Variants in ATP11A observed in about 807,000 individuals in gnomAD.
ATP11A encodes the protein phospholipid-transporting ATPase IH.
A neutral mutation model predicts 154.4 loss-of-function variants in ATP11A; 81 were observed. The observed-to-expected ratio is 0.52, with a 90% CI of 0.44 to 0.63. The LOEUF is 0.63. Ranked by LOEUF, ATP11A falls within the 30% of genes least tolerant of loss-of-function variation. ATP11A has a pLI of 0.00. For missense variants in ATP11A, 1,316 were observed against 1,474.3 expected (o/e 0.89, Z 1.76); for synonymous variants, 623 against 585.9 (o/e 1.06, Z -0.91).
At chr13:112,803,208 G>GT (rs2078185208) in intron 2 of ATP11A, among the ~76,000 whole-genome samples, 1 of 152,232 alleles carries the variant, frequency 6.6e-6, no homozygotes, top group African/African-American at 2.4e-5. Context: ...AGGCAGAGAA[G>GT]TTTTAAAAGA....
At chr13:112,758,338 A>G (rs958702857) in intron 1 of ATP11A, among the ~76,000 whole-genome samples, 11 of 152,140 alleles carry the variant, frequency 7.2e-5, no homozygotes, top group Non-Finnish European at 1.5e-5. Context: ...CTGGGATTAC[A>G]GGCTTGAGCC....
At chr13:112,819,819 C>G (rs1323153585) in intron 7 of ATP11A, 81 bp from the exon 8 acceptor site, 4 of 1,482,006 alleles carry the variant, frequency 2.7e-6, no homozygotes, top group Non-Finnish European at 2.8e-6. Context: ...GTGTGGCTCA[C>G]AGAAGGCAGG....
intron 25 of ATP11A, among the ~76,000 whole-genome samples, chr13:112,866,354 C>T (rs4907549): frequency 0.29 from 44,154 of 151,978 alleles, 6,996 homozygotes; most frequent in East Asian, 0.39. Context: ...CGCCTCCTGA[C>T]GCACATCCTT....
intron 20 of ATP11A, 146 bp from the exon 21 acceptor site, chr13:112,857,672 A>G: frequency 3.0e-6 from 2 of 657,012 alleles, no homozygotes; most frequent in South Asian, 3.9e-5. Flanking sequence ...GAGAAAACAG[A>G]CAGAATGTCG....
chr13:112,813,831 G>A (rs1301015303), intron 5 of ATP11A, among the ~76,000 whole-genome samples: 21 of 151,808 alleles, frequency 1.4e-4, no homozygotes, highest in Non-Finnish European at 2.1e-4. Flanking sequence ...TTTCACGCTC[G>A]TTTGACATCT....
At chr13:112,803,807 C>CTCCCCTCCTTCCTCTCCT (rs2078212426) in intron 2 of ATP11A, among the ~76,000 whole-genome samples, 1 of 87,574 alleles carries the variant, frequency 1.1e-5, no homozygotes, top group African/African-American at 5.1e-5. Context: ...CTTCCCCTCC[C>CTCCCCTCCTTCCTCTCCT]TCCCCTCCTT....
chr13:112,763,745 C>A (rs892975121), intron 1 of ATP11A, among the ~76,000 whole-genome samples: 4 of 152,182 alleles, frequency 2.6e-5, no homozygotes, highest in Non-Finnish European at 5.9e-5. Context: ...CTCTTTCAAG[C>A]AGTCGCCAGT....
chr13:112,810,703 C>T lies in ATP11A; in HGVS notation c.418C>T (p.Arg140Trp), dbSNP rs372464773. The T allele has an allele frequency of 6.2e-6, 10 of 1,613,986 alleles. No individual in the cohort carries two copies. Among genetic ancestry groups the T allele is most frequent in the South Asian group, 2.2e-5 (2 of 91,078 alleles). ...VHFIQHGKLVRKQSRKLRVGD... is the reference protein window; with the variant it reads ...VHFIQHGKLVWKQSRKLRVGD... ...TTTCATTCAGCACGGCAAGCTCGTT[C>T]GGAAACAAAGTCGAAAGCTGCGAGT... Residue 140 changes from arginine to tryptophan, a missense_variant, in exon 5 of 30, where the codon CGG (arginine) becomes TGG (tryptophan). Transcript: ENST00000375645.
chr13:112,773,040 C>T (rs1329890973), intron 1 of ATP11A, among the ~76,000 whole-genome samples: 1 of 152,162 alleles, frequency 6.6e-6, no homozygotes, highest in Non-Finnish European at 1.5e-5. Flanking sequence ...AGGCCTGGTC[C>T]ATGGTGATCT....
rs536613640 is a variant in ATP11A at position 112,769,214 on chromosome 13, C to T, written c.40-15921C>T. ...CTCTTCTTGAGTCAGCACCACTACT[C>T]ACACCCCTGAGCGTGTGCCAGGGCT... On this transcript the variant is annotated intron_variant, in intron 1 of 29. Transcript: ENST00000375645. Among the ~76,000 whole-genome samples the T allele has an allele frequency of 9.3e-4, 142 of 152,334 alleles. 3 individuals are homozygous for T. The South Asian group carries it at 0.022, about 23-fold the overall frequency.
rs570497146 is a variant in ATP11A at position 112,866,044 on chromosome 13, T to C, written c.2991+3469T>C. On this transcript the variant is annotated intron_variant, in intron 25 of 29. Coordinates refer to ENST00000375645, the MANE Select transcript of ATP11A (RefSeq NM_015205.3). Reference sequence around the variant, plus strand: ...TGTGATGAGTAGATTTGTAGTTTTCTAGCAGACATTCACTCTCTGGTTGTT... The same window carrying C: ...TGTGATGAGTAGATTTGTAGTTTTCCAGCAGACATTCACTCTCTGGTTGTT... Among the ~76,000 whole-genome samples, 8 of 152,380 alleles carry C rather than the reference T, an allele frequency of 5.3e-5. 1 individual carries two copies. Among genetic ancestry groups the C allele is most frequent in the Admixed American group, 2.0e-4 (3 of 15,314 alleles).
chr13:112,741,523 T>C (rs1442721923), intron 1 of ATP11A, among the ~76,000 whole-genome samples: 3 of 152,154 alleles, frequency 2.0e-5, no homozygotes, highest in Non-Finnish European at 4.4e-5. Flanking sequence ...CCTGGGCTGC[T>C]CCAGGCTGCC....
chr13:112,745,150 C>T (rs930957762), intron 1 of ATP11A, among the ~76,000 whole-genome samples: 9 of 152,184 alleles, frequency 5.9e-5, no homozygotes, highest in Admixed American at 2.6e-4. Context: ...CTGCAATCTC[C>T]GCTTCCTGGG....
At position 112,745,147 on chromosome 13, in the gene ATP11A, C is replaced by G. The variant is rs185457400; in HGVS notation, c.40-39988C>G. On this transcript the variant is annotated intron_variant, in intron 1 of 29. Coordinates refer to ENST00000375645, the MANE Select transcript of ATP11A (RefSeq NM_015205.3). ...TGGTGCCATCTCGGCTCACTGCAAT[C>G]TCCGCTTCCTGGGTTCAAGCAATTC... 1.4e-4 allele frequency among the ~76,000 whole-genome samples: 22 copies of G among 152,358 alleles called. No homozygotes were observed. In the East Asian group the frequency reaches 3.7e-3, roughly 25 times the overall value.
At chr13:112,774,487 A>T (rs1232079888) in intron 1 of ATP11A, among the ~76,000 whole-genome samples, 1 of 152,208 alleles carries the variant, frequency 6.6e-6, no homozygotes, top group Non-Finnish European at 1.5e-5. Flanking sequence ...AACTATTTTA[A>T]TCAGGGACTC....
chr13:112,812,908 T>A (rs924545012), intron 5 of ATP11A, among the ~76,000 whole-genome samples: 2 of 152,210 alleles, frequency 1.3e-5, no homozygotes, highest in Non-Finnish European at 2.9e-5. Flanking sequence ...CCATTTCCTT[T>A]AATGATTATA....
intron 17 of ATP11A, among the ~76,000 whole-genome samples, chr13:112,843,458 C>G (rs561467177): frequency 7.2e-5 from 11 of 152,324 alleles, no homozygotes; most frequent in Admixed American, 2.0e-4. Context: ...CCTCCTCTCA[C>G]ACCGACCTTA....
chr13:112,793,013 A>T (rs2077901622), intron 2 of ATP11A, among the ~76,000 whole-genome samples: 1 of 152,164 alleles, frequency 6.6e-6, no homozygotes, highest in South Asian at 2.1e-4. Flanking sequence ...TATTTGTATA[A>T]ATGATTTCCA....
At chr13:112,856,146 C>CGTTAGGTCTCACCGCCTCAGATT in intron 20 of ATP11A, 61 bp downstream of exon 20, 1 of 1,509,066 alleles carries the variant, frequency 6.6e-7, no homozygotes, top group African/African-American at 1.4e-5. Flanking sequence ...GAAAACCTTC[C>CGTTAGGTCTCACCGCCTCAGATT]GTTAGGTCTC....
Sources: gnomAD v4.1 joint callset for allele counts (sites outside exome capture counted in the v4.1 genomes callset) on GRCh38, gnomAD v4.1.1 for gene constraint, MANE v1.5 for transcripts, NCBI Gene and HGNC (gene_info 2026-07-23, HGNC 2026-07-21) for gene names.